The following EVL variants were observed in gnomAD, a reference collection of about 807,000 sequenced individuals.
EVL encodes the protein ena/VASP-like protein.
A neutral mutation model predicts 59.6 loss-of-function variants in EVL; 21 were observed. The ratio of observed to expected loss-of-function variants is 0.35; its 90% CI spans 0.25 to 0.51. The LOEUF is 0.51. Among genes scored for constraint, EVL ranks in the 20% least tolerant of loss-of-function variants. The pLI, the probability that EVL is intolerant of heterozygous loss-of-function variation, is 0.97. For synonymous variants in EVL, 198 were observed against 203.5 expected (o/e 0.97, Z 0.23); for missense variants, 462 against 546.6 (o/e 0.85, Z 1.54).
At position 100,049,397 on chromosome 14, in the gene EVL, G is replaced by A. The variant is rs192729396; in HGVS notation, c.6-35290G>A. On this transcript the variant is annotated intron_variant, in intron 1 of 13. Coordinates refer to the EVL transcript ENST00000402714. ...TACTGCAACTGTGTATTCTAGGGAG[G>A]CCTTTTTTGTCAGCAGCGCCCTTGC... is the stretch of plus-strand genomic sequence containing the variant. Among the ~76,000 whole-genome samples the A allele has an allele frequency of 2.3e-3, 346 of 152,204 alleles. 1 individual carries two copies. The highest frequency in any genetic ancestry group is 8.1e-3 in the African/African-American group (337 of 41,546).
At chr14:100,071,381 G>A (rs957301796) in intron 1 of EVL, among the ~76,000 whole-genome samples, 33 of 152,146 alleles carry the variant, frequency 2.2e-4, no homozygotes, top group African/African-American at 7.2e-4. Flanking sequence ...CTGTAGATCA[G>A]AACTGTATTT....
chr14:100,143,524 A>G (rs1889328253), intron 13 of EVL, among the ~76,000 whole-genome samples, 177 bp from the exon 14 acceptor site: 1 of 152,188 alleles, frequency 6.6e-6, no homozygotes, highest in African/African-American at 2.4e-5. Context: ...ATGGCAGATG[A>G]GACCCAAAGC....
chr14:100,044,412 G>A (rs1480170660), intron 1 of EVL, among the ~76,000 whole-genome samples: 2 of 152,112 alleles, frequency 1.3e-5, no homozygotes, highest in African/African-American at 2.4e-5. Flanking sequence ...CAATAACAAC[G>A]AGAACAATAA....
In EVL at chr14:100,126,696, T is replaced by C; in HGVS notation, c.423-11T>C. On this transcript the variant is annotated splice_polypyrimidine_tract_variant and intron_variant, in intron 4 of 13. Transcript: ENST00000392920. ...GAGGAGTCAGACTGCCCTGCTGTGA[T>C]TACTTTCCAGACAAGTGATGGAGCA... The C allele has an allele frequency of 1.2e-6, 2 of 1,614,020 alleles. No homozygotes were observed. The highest frequency in any genetic ancestry group is 1.7e-6 in the Non-Finnish European group (2 of 1,179,956).
chr14:99,985,707 C>T lies in EVL; in HGVS notation c.5+13650C>T, dbSNP rs545583062. 4.6e-5 allele frequency among the ~76,000 whole-genome samples: 7 copies of T among 150,628 alleles called. No homozygotes were observed. In the South Asian group the frequency reaches 6.3e-4, roughly 14 times the overall value. On this transcript the variant is annotated intron_variant, in intron 1 of 13. Coordinates refer to the EVL transcript ENST00000402714. Reference sequence around the variant, plus strand: ...GCTTGAACCCAGGAGGTGGAGGTTGCGGTGAGCCAAGATTGCGCCATTGCA... The same window carrying T: ...GCTTGAACCCAGGAGGTGGAGGTTGTGGTGAGCCAAGATTGCGCCATTGCA...
At chr14:100,074,269 A>T (rs1044983071) in intron 1 of EVL, among the ~76,000 whole-genome samples, 5 of 152,200 alleles carry the variant, frequency 3.3e-5, no homozygotes, top group African/African-American at 1.2e-4. Flanking sequence ...GTAGTAGGTG[A>T]TAATGACAGC....
chr14:100,125,122 C>CCACA (rs57005382), intron 4 of EVL, among the ~76,000 whole-genome samples: 21,812 of 102,918 alleles, frequency 0.21, 3,693 homozygotes, highest in East Asian at 0.53. Context: ...CAAGGCGGGA[C>CCACA]CACACACACA....
At chr14:99,994,526 T>C (rs1479446027) in intron 1 of EVL, among the ~76,000 whole-genome samples, 1 of 151,072 alleles carries the variant, frequency 6.6e-6, no homozygotes, top group Non-Finnish European at 1.5e-5. Context: ...CAACTTCCTT[T>C]CTGTTGCGTT....
chr14:100,129,437 A>T, intron 6 of EVL, 126 bp from the exon 7 acceptor site: 2 of 1,372,470 alleles, frequency 1.5e-6, no homozygotes, highest in Non-Finnish European at 2.0e-6. Flanking sequence ...ATGGCCCCTG[A>T]GGCCCCTTGC....
chr14:100,131,117 G>T (rs987479924), intron 7 of EVL, among the ~76,000 whole-genome samples: 1 of 152,222 alleles, frequency 6.6e-6, no homozygotes, highest in Non-Finnish European at 1.5e-5. Context: ...CTGGAAGAGG[G>T]AGCCTCCTGG....
upstream of EVL, among the ~76,000 whole-genome samples, chr14:100,063,665 G>A (rs779414035): frequency 7.2e-5 from 11 of 152,158 alleles, no homozygotes; most frequent in Non-Finnish European, 7.4e-5. Context: ...GCAACAAAAA[G>A]TAACAAGGAC....
intron 1 of EVL, among the ~76,000 whole-genome samples, chr14:99,973,832 T>C (rs2060752002): frequency 6.6e-6 from 1 of 152,238 alleles, no homozygotes; most frequent in African/African-American, 2.4e-5. Flanking sequence ...CACCAGAAAT[T>C]CATTTTTGTG....
In EVL at chr14:100,125,150, A is replaced by ACC. The variant is rs766074925; in HGVS notation, c.422+1549_422+1550dup. On this transcript the variant is annotated intron_variant, in intron 4 of 13. Coordinates refer to ENST00000392920, the MANE Select transcript of EVL (RefSeq NM_016337.3). ...CACACACACACACACACACACACAC[A>ACC]CCTGCCCCAAGGCAGGAATACACAC... 1.2e-4 allele frequency among the ~76,000 whole-genome samples: 15 copies of ACC among 128,354 alleles called. 2 individuals carry two copies. Among genetic ancestry groups the ACC allele is most frequent in the African/African-American group, 5.4e-4 (15 of 27,710 alleles). 84.2% of individuals were successfully genotyped at this position (128,354 alleles called of 152,430 possible).
At position 100,005,240 on chromosome 14, in the gene EVL, C is replaced by T. The variant is rs763287835; in HGVS notation, c.5+33183C>T. Among the ~76,000 whole-genome samples the T allele has an allele frequency of 2.6e-5, 4 of 152,208 alleles. No homozygotes were observed. The East Asian group carries it at 7.7e-4, about 29-fold the overall frequency. The stretch of plus-strand genomic sequence containing the variant: ...GAAATAAAGACAACAGCAGTCCTTT[C>T]TCTAAACAAACCTCCTTACTGCCTG... On this transcript the variant is annotated intron_variant, in intron 1 of 13. Transcript: ENST00000402714.
chr14:100,129,283 T>G (rs1432656106), intron 6 of EVL, among the ~76,000 whole-genome samples: 2 of 141,630 alleles, frequency 1.4e-5, no homozygotes, highest in Non-Finnish European at 3.1e-5. Flanking sequence ...CCTCCCTCCA[T>G]GTGTCATGGC....
At chr14:100,065,582 G>C (rs1158112245) in intron 1 of EVL, 71 bp downstream of exon 1, 2 of 941,130 alleles carry the variant, frequency 2.1e-6, no homozygotes. Context: ...CGGTGAATGG[G>C]CTGTAGAAAT....
intron 1 of EVL, among the ~76,000 whole-genome samples, chr14:100,027,428 A>G (rs186134879): frequency 6.6e-6 from 1 of 152,216 alleles, no homozygotes; most frequent in African/African-American, 2.4e-5. Flanking sequence ...CACCTCTGAT[A>G]ACCATCATTC....
At chr14:100,045,105 TC>T (rs1457339686) in intron 1 of EVL, among the ~76,000 whole-genome samples, 1 of 152,204 alleles carries the variant, frequency 6.6e-6, no homozygotes, top group Non-Finnish European at 1.5e-5. Flanking sequence ...GCCACCTCAC[TC>T]CCGTCTGCAG....
At chr14:100,077,299 T>C (rs949407011) in intron 1 of EVL, among the ~76,000 whole-genome samples, 10 of 152,200 alleles carry the variant, frequency 6.6e-5, no homozygotes, top group Admixed American at 6.5e-4. Flanking sequence ...CAGATGGCCA[T>C]TGGGCCATGG....
Sources: allele counts gnomAD v4.1 joint callset (sites outside exome capture counted in the v4.1 genomes callset), GRCh38; gene constraint gnomAD v4.1.1; transcripts MANE v1.5; gene names NCBI Gene and HGNC (gene_info 2026-07-23, HGNC 2026-07-21).